Variants in PYGL observed in about 807,000 individuals in gnomAD.
PYGL encodes glycogen phosphorylase, liver form.
In PYGL, 90 loss-of-function variants were observed where a neutral mutation model predicts 100.1. The ratio of observed to expected loss-of-function variants is 0.90; its 90% confidence interval spans 0.76 to 1.07. The LOEUF (loss-of-function observed/expected upper bound fraction) is 1.07, where lower values mean the gene tolerates loss of function less well. Among genes scored for constraint, PYGL ranks in the 50% least tolerant of loss-of-function variants. The pLI is 0.00. For missense variants in PYGL, 1,016 were observed against 1,057.6 expected, an observed-to-expected ratio of 0.96 and a Z score of 0.55; for synonymous variants, 373 against 393.0, an observed-to-expected ratio of 0.95 and a Z score of 0.60.
chr14:50,937,409 T>C (rs1408574753), intron 2 of PYGL, among the ~76,000 whole-genome samples: 1 of 142,710 alleles, frequency 7.0e-6, no homozygotes, highest in African/African-American at 2.4e-5. Context: ...AAGATTGTGA[T>C]TCTGATAGCA....
At position 50,935,035 on chromosome 14, in the gene PYGL, G is replaced by T; in HGVS notation, c.424+72C>A. On this transcript the variant is annotated intron_variant, in intron 3 of 19. Transcript: ENST00000216392. Reference sequence around the variant, plus strand: ...TAGGAAGCCTGCCTGGTTCTTGCAAGCATGGTCATGCATGGCATCTGAGAT... The same window carrying T: ...TAGGAAGCCTGCCTGGTTCTTGCAATCATGGTCATGCATGGCATCTGAGAT... 2.2e-6 allele frequency: 3 copies of T among 1,390,910 alleles called. No homozygotes were observed. In the South Asian group the frequency reaches 3.5e-5, roughly 16 times the overall value. The allele number at this position is 1,390,910 out of a possible 1,614,324, so 86.2% of individuals were successfully genotyped here.
At position 50,908,683 on chromosome 14, in the gene PYGL, T is replaced by TGC. The variant is rs1423446046; in HGVS notation, c.2312+136_2312+137dup. 23 of 1,253,954 alleles carry TGC rather than the reference T, an allele frequency of 1.8e-5. No individual in the cohort carries two copies. In the African/African-American group the frequency reaches 3.4e-4, roughly 19 times the overall value. 77.7% of individuals were successfully genotyped at this position (1,253,954 alleles called of 1,614,324 possible). On this transcript the variant is annotated intron_variant, in intron 18 of 19. Transcript: ENST00000216392. Reference sequence around the variant, plus strand: ...TACCTGAGCAGATCACGCTAATCTATGCTAATCTACATGAGTGGGTTTAAG... The same window carrying TGC: ...TACCTGAGCAGATCACGCTAATCTATGCGCTAATCTACATGAGTGGGTTTAAG...
intron 17 of PYGL, 26 bp from the exon 18 acceptor site, chr14:50,908,981 T>C (rs1566499496): frequency 2.0e-6 from 3 of 1,535,110 alleles, no homozygotes; most frequent in South Asian, 1.1e-5. Context: ...GGGTGGGTGA[T>C]AAAAAAAGGC....
At chr14:50,913,276 A>G in intron 12 of PYGL, 146 bp from the exon 13 acceptor site, 1 of 678,778 alleles carries the variant, frequency 1.5e-6, no homozygotes, top group Non-Finnish European at 2.6e-6. Context: ...CTCAAAGAAG[A>G]GTCTATAAAG....
rs1258325360 is a variant in PYGL at position 50,915,325 on chromosome 14, T to C, written c.1403+11A>G. 6.2e-7 allele frequency: 1 copy of C among 1,613,936 alleles called. No individual in the cohort carries two copies. The highest frequency in any genetic ancestry group is 8.5e-7 in the Non-Finnish European group (1 of 1,179,806). On this transcript the variant is annotated intron_variant, in intron 11 of 19. Coordinates refer to ENST00000216392, the MANE Select transcript of PYGL (RefSeq NM_002863.5). ...AGTGTCAGACCCACTGCCAGAGTAATGGAGGCTCACACTTTAGTCTTCACG... is the reference window on the plus strand; with the variant it reads ...AGTGTCAGACCCACTGCCAGAGTAACGGAGGCTCACACTTTAGTCTTCACG...
intron 12 of PYGL, among the ~76,000 whole-genome samples, chr14:50,913,929 C>T (rs2050422518): frequency 6.6e-6 from 1 of 152,108 alleles, no homozygotes; most frequent in African/African-American, 2.4e-5. Flanking sequence ...TTTCAAACTC[C>T]TGGCCTCAAG....
chr14:50,905,272 C>T lies in PYGL; in HGVS notation c.*120G>A, dbSNP rs1031818510. 1 of 1,066,078 alleles carries T rather than the reference C, an allele frequency of 9.4e-7. No homozygotes were observed. Among genetic ancestry groups the T allele is most frequent in the South Asian group, 1.4e-5 (1 of 72,510 alleles). 66.0% of individuals were successfully genotyped at this position (1,066,078 alleles called of 1,614,324 possible). A position where few individuals can be genotyped will look rare whatever the true frequency, so the allele number is the denominator to read the frequency against. On this transcript the variant is annotated 3_prime_UTR_variant, in exon 20 of 20. Coordinates refer to ENST00000216392, the MANE Select transcript of PYGL (RefSeq NM_002863.5). Reference sequence around the variant, plus strand: ...AGCTCTATTACATATAATTTCCCTCCCCATTCCCAGAGATACTCAACTATT... The same window carrying T: ...AGCTCTATTACATATAATTTCCCTCTCCATTCCCAGAGATACTCAACTATT...
intron 13 of PYGL, among the ~76,000 whole-genome samples, chr14:50,912,677 G>T (rs1241728551): frequency 6.6e-6 from 1 of 152,156 alleles, no homozygotes; most frequent in Non-Finnish European, 1.5e-5. Flanking sequence ...GGATAGGCCG[G>T]GTGTGGTGGC....
At chr14:50,915,596 C>T (rs2050439646) in intron 10 of PYGL, 97 bp from the exon 11 acceptor site, 1 of 1,511,704 alleles carries the variant, frequency 6.6e-7, no homozygotes, top group Non-Finnish European at 9.1e-7. Flanking sequence ...TTGGTGTACT[C>T]AATATAAACT....
chr14:50,912,920 C>A, intron 13 of PYGL, 109 bp downstream of exon 13: 1 of 1,034,228 alleles, frequency 9.7e-7, no homozygotes, highest in South Asian at 1.3e-5. Flanking sequence ...TGCCACTGCA[C>A]TCCAGCCTGG....
chr14:50,934,641 A>ATG (rs930282797), intron 3 of PYGL, among the ~76,000 whole-genome samples: 1 of 151,718 alleles, frequency 6.6e-6, no homozygotes. Context: ...AGACATTTAC[A>ATG]TGTGTGTGTA....
intron 3 of PYGL, among the ~76,000 whole-genome samples, chr14:50,932,425 T>A (rs1234328835): frequency 6.6e-6 from 1 of 152,184 alleles, no homozygotes; most frequent in Non-Finnish European, 1.5e-5. Context: ...TTCAATCAGA[T>A]GAGTGGTGCT....
At chr14:50,934,308 C>T (rs1363752782) in intron 3 of PYGL, among the ~76,000 whole-genome samples, 1 of 152,024 alleles carries the variant, frequency 6.6e-6, no homozygotes, top group East Asian at 1.9e-4. Flanking sequence ...AATGGTTGAC[C>T]AACTGGGGTC....
intron 2 of PYGL, 48 bp from the exon 3 acceptor site, chr14:50,935,233 C>T (rs1235292619): frequency 6.8e-7 from 1 of 1,466,944 alleles, no homozygotes; most frequent in Non-Finnish European, 9.5e-7. Flanking sequence ...AAATTCAGGC[C>T]ATTCAGAGGG....
chr14:50,909,337 G>A (rs1413057180), intron 17 of PYGL, among the ~76,000 whole-genome samples: 2 of 152,160 alleles, frequency 1.3e-5, no homozygotes, highest in Non-Finnish European at 2.9e-5. Context: ...TTGCTACTGA[G>A]TGAAACTGAC....
intron 1 of PYGL, among the ~76,000 whole-genome samples, chr14:50,941,664 A>G (rs1212806086): frequency 1.3e-5 from 2 of 152,132 alleles, no homozygotes; most frequent in African/African-American, 4.8e-5. Context: ...GTGGATCACC[A>G]GGTCAGGAGT....
rs543728317 is a variant in PYGL, at chr14:50,944,474, G to A, written c.-71C>T. The A allele has an allele frequency of 1.4e-5, 21 of 1,511,772 alleles. No homozygotes were observed. The African/African-American group carries it at 2.4e-4, about 17-fold the overall frequency. The allele number at this position is 1,511,772 out of a possible 1,614,324, so 93.6% of individuals were successfully genotyped here. A position where few individuals can be genotyped will look rare whatever the true frequency, so the allele number is the denominator to read the frequency against. On this transcript the variant is annotated 5_prime_UTR_variant, in exon 1 of 20. Transcript: ENST00000216392. ...GTGCGGCCGGAGGCGCTGGGCTGCC[G>A]GGCAGGGGTGGAGTCCGCCCCGCCG...
At chr14:50,941,765 CTA>C (rs2050704028) in intron 1 of PYGL, among the ~76,000 whole-genome samples, 1 of 152,158 alleles carries the variant, frequency 6.6e-6, no homozygotes, top group Admixed American at 6.5e-5. Flanking sequence ...GTAATCCCAG[CTA>C]CTCAGGAGGC....
chr14:50,922,663 C>T (rs888041167), intron 5 of PYGL, among the ~76,000 whole-genome samples: 1 of 152,180 alleles, frequency 6.6e-6, no homozygotes, highest in African/African-American at 2.4e-5. Context: ...GGCTGGGACA[C>T]TAGGGCCGAG....
Sources: allele counts gnomAD v4.1 joint callset (sites outside exome capture counted in the v4.1 genomes callset), GRCh38; gene constraint gnomAD v4.1.1; transcripts MANE v1.5; gene names NCBI Gene and HGNC (gene_info 2026-07-23, HGNC 2026-07-21).